GPC6: variants seen among roughly 807,000 people sequenced by gnomAD.
GPC6 encodes the protein glypican-6.
In GPC6, 14 loss-of-function variants were observed where a neutral mutation model predicts 55.2. The ratio of observed to expected loss-of-function variants is 0.25; its 90% confidence interval spans 0.17 to 0.40. The LOEUF is 0.40. Ranked by LOEUF, GPC6 falls within the 10% of genes least tolerant of loss-of-function variation. The probability of loss-of-function intolerance (pLI) is 1.00; values close to 1 mark genes in which losing one functional copy is unlikely to be tolerated. For synonymous variants in GPC6, 278 were observed against 259.6 expected (o/e 1.07, Z -0.68); for missense variants, 641 against 708.5 (o/e 0.90, Z 1.08).
chr13:94,339,327 G>T (rs919501110), intron 6 of GPC6, among the ~76,000 whole-genome samples: 3 of 152,138 alleles, frequency 2.0e-5, no homozygotes, highest in Non-Finnish European at 4.4e-5. Context: ...GCCTCCCAAA[G>T]TGCTGGGATT....
chr13:93,835,002 G>C (rs935370355), intron 3 of GPC6, among the ~76,000 whole-genome samples: 19 of 152,168 alleles, frequency 1.2e-4, no homozygotes, highest in Admixed American at 3.3e-4. Context: ...CTGAAGGCTT[G>C]TCAGACATTG....
At chr13:94,123,554 G>A (rs185623118) in intron 4 of GPC6, among the ~76,000 whole-genome samples, 30 of 152,032 alleles carry the variant, frequency 2.0e-4, no homozygotes, top group African/African-American at 7.0e-4. Flanking sequence ...TGGTTACTAA[G>A]ATATGATGGT....
chr13:94,101,149 C>T (rs1885841522), intron 4 of GPC6, among the ~76,000 whole-genome samples: 1 of 152,190 alleles, frequency 6.6e-6, no homozygotes, highest in Non-Finnish European at 1.5e-5. Context: ...TTCCCTAGGG[C>T]CTATTTACCA....
chr13:94,050,607 G>T (rs957741570), intron 4 of GPC6, among the ~76,000 whole-genome samples: 1 of 152,164 alleles, frequency 6.6e-6, no homozygotes, highest in Admixed American at 6.5e-5. Flanking sequence ...ACCAATAGAC[G>T]TTATTGCTAG....
intron 4 of GPC6, among the ~76,000 whole-genome samples, chr13:94,237,117 A>T (rs1890902278): frequency 1.3e-5 from 2 of 152,114 alleles, no homozygotes; most frequent in Non-Finnish European, 2.9e-5. Context: ...GCAGGATGAG[A>T]ACTTGTTCCA....
chr13:93,569,605 A>G (rs183990317), intron 2 of GPC6, among the ~76,000 whole-genome samples: 85 of 152,168 alleles, frequency 5.6e-4, no homozygotes, highest in African/African-American at 1.9e-3. Context: ...TCACTGTCCT[A>G]GGATCTAGCA....
intron 6 of GPC6, among the ~76,000 whole-genome samples, chr13:94,345,684 T>C (rs575330855): frequency 8.5e-5 from 13 of 152,326 alleles, no homozygotes; most frequent in African/African-American, 2.2e-4. Context: ...TGTTCAGCTC[T>C]CTTGAGAACA....
At chr13:94,333,346 A>C (rs1429842082) in intron 6 of GPC6, among the ~76,000 whole-genome samples, 1 of 152,178 alleles carries the variant, frequency 6.6e-6, no homozygotes, top group African/African-American at 2.4e-5. Flanking sequence ...TCAGCATCTG[A>C]GTGTGCAGGC....
At chr13:94,150,940 A>G (rs778139183) in intron 4 of GPC6, among the ~76,000 whole-genome samples, 3 of 151,536 alleles carry the variant, frequency 2.0e-5, no homozygotes, top group Non-Finnish European at 4.4e-5. Flanking sequence ...TTCTGAAGGC[A>G]TAAGGTAAAA....
intron 1 of GPC6, among the ~76,000 whole-genome samples, chr13:93,437,601 T>C (rs1216840528): frequency 6.6e-6 from 1 of 152,198 alleles, no homozygotes; most frequent in Non-Finnish European, 1.5e-5. Flanking sequence ...CTCCTTTCAA[T>C]TCTATGAAGA....
intron 1 of GPC6, among the ~76,000 whole-genome samples, chr13:93,465,159 G>A (rs1878859324): frequency 6.6e-6 from 1 of 152,212 alleles, no homozygotes; most frequent in Non-Finnish European, 1.5e-5. Context: ...AGTACATTTA[G>A]TATAATTCCT....
chr13:94,243,755 C>T (rs1212965535), intron 4 of GPC6, among the ~76,000 whole-genome samples: 4 of 152,086 alleles, frequency 2.6e-5, no homozygotes, highest in African/African-American at 9.7e-5. Context: ...ACCAGTAGAC[C>T]ACACAAACTA....
At chr13:94,064,840 A>G (rs1347041487) in intron 4 of GPC6, among the ~76,000 whole-genome samples, 1 of 152,192 alleles carries the variant, frequency 6.6e-6, no homozygotes, top group Non-Finnish European at 1.5e-5. Flanking sequence ...GTCATAATTT[A>G]TTAATCATCC....
At chr13:93,981,760 G>A (rs1880813447) in intron 3 of GPC6, among the ~76,000 whole-genome samples, 1 of 152,036 alleles carries the variant, frequency 6.6e-6, no homozygotes, top group South Asian at 2.1e-4. Flanking sequence ...TCATTTCACA[G>A]TGTCATGTGT....
At chr13:93,662,450 T>C (rs1333047002) in intron 2 of GPC6, among the ~76,000 whole-genome samples, 1 of 152,038 alleles carries the variant, frequency 6.6e-6, no homozygotes, top group Non-Finnish European at 1.5e-5. Flanking sequence ...GCCAACATGG[T>C]GAAACCCTGT....
At chr13:94,149,308 G>T (rs1158722821) in intron 4 of GPC6, among the ~76,000 whole-genome samples, 1 of 152,154 alleles carries the variant, frequency 6.6e-6, no homozygotes, top group African/African-American at 2.4e-5. Flanking sequence ...CATCTGGAAT[G>T]CCAGCTCAGA....
chr13:93,691,305 T>C (rs1290095720), intron 2 of GPC6, among the ~76,000 whole-genome samples: 1 of 152,122 alleles, frequency 6.6e-6, no homozygotes, highest in Non-Finnish European at 1.5e-5. Context: ...AAAAGAACTT[T>C]TGTGCATCAA....
intron 4 of GPC6, among the ~76,000 whole-genome samples, chr13:94,083,383 G>A (rs1433402522): frequency 6.6e-6 from 1 of 152,194 alleles, no homozygotes; most frequent in East Asian, 1.9e-4. Flanking sequence ...CTCCCAAAGT[G>A]CTGGGATTAC....
intron 2 of GPC6, among the ~76,000 whole-genome samples, chr13:93,678,202 A>T (rs1881719041): frequency 6.6e-6 from 1 of 152,094 alleles, no homozygotes. Flanking sequence ...CCCTTTCACA[A>T]CTTTTTTCTA....
Sources: allele counts gnomAD v4.1 joint callset (sites outside exome capture counted in the v4.1 genomes callset), GRCh38; gene constraint gnomAD v4.1.1; transcripts MANE v1.5; gene names NCBI Gene and HGNC (gene_info 2026-07-23, HGNC 2026-07-21).